The following LDLRAD4 variants were observed in gnomAD, a reference collection of about 807,000 sequenced individuals.
LDLRAD4 encodes the protein low-density lipoprotein receptor class A domain-containing protein 4.
Under a neutral mutation model 17.0 loss-of-function variants are expected in LDLRAD4, and 5 were observed. The observed-to-expected ratio is 0.29, with a 90% CI of 0.15 to 0.62. LDLRAD4 has a LOEUF of 0.62. Ranked by LOEUF, LDLRAD4 falls within the 20% of genes least tolerant of loss-of-function variation. The probability of loss-of-function intolerance (pLI) is 0.84; values close to 1 mark genes in which losing one functional copy is unlikely to be tolerated. For missense variants in LDLRAD4, 340 were observed against 424.7 expected (o/e 0.80, Z 1.75); for synonymous variants, 168 against 171.8 (o/e 0.98, Z 0.17).
In LDLRAD4 at chr18:13,621,566, G is replaced by A. The variant is rs1030930846; in HGVS notation, c.336+295G>A. The stretch of plus-strand genomic sequence containing the variant: ...GCCAGCTTCTGAGCTGTGCACGAAC[G>A]GGACCGGCCCTGGGTGGTCCCTCGT... On this transcript the variant is annotated intron_variant, in intron 4 of 5. Transcript: ENST00000359446. The surrounding 1 kb of genome is among the most constrained non-coding windows in gnomAD (Gnocchi z 5.5). 5.3e-5 allele frequency among the ~76,000 whole-genome samples: 8 copies of A among 152,214 alleles called. No homozygotes were observed. Among genetic ancestry groups the A allele is most frequent in the African/African-American group, 1.4e-4 (6 of 41,466 alleles).
chr18:13,319,664 T>G (rs1166009535), intron 1 of LDLRAD4, among the ~76,000 whole-genome samples: 1 of 152,232 alleles, frequency 6.6e-6, no homozygotes, highest in African/African-American at 2.4e-5. Flanking sequence ...GCAGTTCTCC[T>G]TTTAAATAAA....
intron 3 of LDLRAD4, chr18:13,490,192 C>A (rs1028588536): frequency 1.3e-5 from 2 of 152,192 alleles, no homozygotes; most frequent in African/African-American, 4.8e-5. Flanking sequence ...ATATTCCCTT[C>A]AGCTATGTTT....
At chr18:13,647,897 G>A (rs1215671865) in exon 6 of LDLRAD4, 1 of 152,178 alleles carries the variant, frequency 6.6e-6, no homozygotes, top group African/African-American at 2.4e-5. Flanking sequence ...ATTGGCTTGG[G>A]GCCAGAAGGA....
At chr18:13,457,509 A>G (rs1262580743) in intron 3 of LDLRAD4, among the ~76,000 whole-genome samples, 4 of 152,204 alleles carry the variant, frequency 2.6e-5, no homozygotes. Context: ...TATGAGCAAC[A>G]GGAAAGGCTG....
At chr18:13,323,650 C>T (rs1027497005) in intron 1 of LDLRAD4, among the ~76,000 whole-genome samples, 3 of 151,980 alleles carry the variant, frequency 2.0e-5, no homozygotes, top group East Asian at 1.9e-4. Context: ...GACAGATGTG[C>T]GTGATGAACA....
chr18:13,649,601 C>T (rs3744812), exon 6 of LDLRAD4: 43,544 of 149,676 alleles, frequency 0.29, 6,810 homozygotes, highest in Non-Finnish European at 0.36. Flanking sequence ...GGGAGCCCGG[C>T]CCCCCATGCA....
intron 1 of LDLRAD4, among the ~76,000 whole-genome samples, chr18:13,229,436 G>A (rs1346943393): frequency 1.3e-5 from 2 of 152,188 alleles, no homozygotes; most frequent in African/African-American, 4.8e-5. Context: ...AGCTACCACA[G>A]CGAGTGCTCA....
chr18:13,302,214 A>G (rs1455140060), intron 1 of LDLRAD4, among the ~76,000 whole-genome samples: 2 of 152,152 alleles, frequency 1.3e-5, no homozygotes, highest in Admixed American at 6.5e-5. Flanking sequence ...CTTGTTTCCA[A>G]CGCAGCCCAG....
chr18:13,358,150 A>G (rs1309485530), intron 1 of LDLRAD4, among the ~76,000 whole-genome samples: 1 of 152,102 alleles, frequency 6.6e-6, no homozygotes, highest in Non-Finnish European at 1.5e-5. Context: ...CTAGTTTTTT[A>G]TAATGATAAG....
chr18:13,498,636 CGT>C (rs2093534601), intron 3 of LDLRAD4, among the ~76,000 whole-genome samples: 1 of 150,536 alleles, frequency 6.6e-6, no homozygotes, highest in African/African-American at 2.4e-5. Flanking sequence ...TCTTGCCACA[CGT>C]GTCCCACTGT....
At chr18:13,426,186 T>C (rs978358819) in intron 2 of LDLRAD4, 1 of 152,386 alleles carries the variant, frequency 6.6e-6, no homozygotes, top group Admixed American at 6.5e-5. Flanking sequence ...CCATTGAGGA[T>C]AATGGGTTTT....
At chr18:13,511,403 T>C (rs987375550) in intron 3 of LDLRAD4, among the ~76,000 whole-genome samples, 2 of 152,020 alleles carry the variant, frequency 1.3e-5, no homozygotes, top group African/African-American at 4.8e-5. Flanking sequence ...TCCCAGCTAC[T>C]GAGGAGGCTG....
chr18:13,639,380 G>C (rs746014137), intron 4 of LDLRAD4, among the ~76,000 whole-genome samples: 1 of 152,218 alleles, frequency 6.6e-6, no homozygotes, highest in Non-Finnish European at 1.5e-5. Flanking sequence ...GCCCCTTGGA[G>C]GACACCAGTC....
intron 1 of LDLRAD4, chr18:13,240,101 TGCACATTAGTTAAATAACTAGGCCA>T (rs1167943883): frequency 6.6e-6 from 1 of 152,282 alleles, no homozygotes; most frequent in Non-Finnish European, 1.5e-5. Flanking sequence ...AGAAACTCAT[TGCACATTAGTTAAATAACTAGGCCA>T]GCATTCTGAA....
intron 1 of LDLRAD4, among the ~76,000 whole-genome samples, chr18:13,290,777 T>G (rs746512866): frequency 6.6e-4 from 100 of 152,312 alleles, no homozygotes; most frequent in Non-Finnish European, 1.3e-3. Context: ...AGAAACACCT[T>G]TTATCCATTA....
upstream of LDLRAD4, among the ~76,000 whole-genome samples, chr18:13,276,717 C>T (rs2044893633): frequency 6.6e-6 from 1 of 152,212 alleles, no homozygotes; most frequent in Non-Finnish European, 1.5e-5. Context: ...CTGTCACTCC[C>T]TCGTTGCGGA....
intron 1 of LDLRAD4, among the ~76,000 whole-genome samples, chr18:13,342,814 C>A (rs1489560364): frequency 6.6e-6 from 1 of 151,660 alleles, no homozygotes; most frequent in East Asian, 1.9e-4. Context: ...CAACCTACAG[C>A]TTTTGATTAG....
chr18:13,271,954 G>A (rs2044578478), intron 1 of LDLRAD4, among the ~76,000 whole-genome samples: 1 of 146,042 alleles, frequency 6.8e-6, no homozygotes. Context: ...GGAGTGCAGT[G>A]GCACAATCTC....
intron 2 of LDLRAD4, among the ~76,000 whole-genome samples, chr18:13,414,217 T>C (rs2145743660): frequency 6.6e-6 from 1 of 152,370 alleles, no homozygotes; most frequent in Admixed American, 6.5e-5. Flanking sequence ...CAGGTGGGCC[T>C]TGGGGCCAGG....
Sources: gnomAD v4.1 joint callset for allele counts (sites outside exome capture counted in the v4.1 genomes callset) on GRCh38, gnomAD v4.1.1 for gene constraint, Gnocchi (gnomAD v3.1) non-coding constraint, MANE v1.5 for transcripts, NCBI Gene and HGNC (gene_info 2026-07-23, HGNC 2026-07-21) for gene names.